The following TAFA5 variants were observed in gnomAD, a reference collection of about 807,000 sequenced individuals.
The protein encoded by TAFA5 is TAFA chemokine like family member 5, also known as chemokine-like protein TAFA-5.
In TAFA5, 6 loss-of-function variants were observed where a neutral mutation model predicts 15.3. The ratio of observed to expected loss-of-function variants is 0.39; its 90% confidence interval spans 0.21 to 0.77. The LOEUF (loss-of-function observed/expected upper bound fraction) is 0.77, where lower values mean the gene tolerates loss of function less well. Ranked by LOEUF, TAFA5 falls within the 30% of genes least tolerant of loss-of-function variation. TAFA5 has a pLI of 0.41. For missense variants in TAFA5, 161 were observed against 193.1 expected (o/e 0.83, Z 0.98); for synonymous variants, 103 against 80.7 (o/e 1.28, Z -1.48).
At chr22:48,716,599 TAGGTGC>T (rs1005872615) in intron 3 of TAFA5, among the ~76,000 whole-genome samples, 76 of 152,258 alleles carry the variant, frequency 5.0e-4, no homozygotes, top group African/African-American at 1.5e-3. Flanking sequence ...GACAGGTTGA[TAGGTGC>T]AGCAAACCAC....
chr22:48,636,698 C>T (rs537693278), intron 1 of TAFA5, among the ~76,000 whole-genome samples: 2 of 152,160 alleles, frequency 1.3e-5, no homozygotes, highest in African/African-American at 2.4e-5. Flanking sequence ...CTGCTGCCTC[C>T]GAACCCCAGG....
intron 1 of TAFA5, among the ~76,000 whole-genome samples, chr22:48,584,240 C>T (rs772663083): frequency 1.3e-5 from 2 of 149,122 alleles, no homozygotes; most frequent in Non-Finnish European, 3.0e-5. Context: ...ACACATTGGA[C>T]ACCACACACT....
In TAFA5 at chr22:48,608,828, G is replaced by A. The variant is rs1418325920; in HGVS notation, c.113-37769G>A. Among the ~76,000 whole-genome samples, 2 of 152,230 alleles carry A rather than the reference G, an allele frequency of 1.3e-5. 1 individual carries two copies. The highest frequency in any genetic ancestry group is 2.9e-5 in the Non-Finnish European group (2 of 68,042). On this transcript the variant is annotated intron_variant, in intron 1 of 3. Coordinates refer to ENST00000402357, the MANE Select transcript of TAFA5 (RefSeq NM_001082967.3). ...TCGTTCCAACAGAGGGCAGGCACCC[G>A]ACGCTCGGGAGCTCTGTGCCCCATG...
chr22:48,732,994 C>T (rs920289345), intron 3 of TAFA5, among the ~76,000 whole-genome samples: 2 of 152,152 alleles, frequency 1.3e-5, no homozygotes, highest in African/African-American at 4.8e-5. Flanking sequence ...TGTTTGCACA[C>T]TGAGTAGACT....
Position 48,508,056 on chromosome 22 carries a change from C to T in TAFA5, c.112+18352C>T, listed in dbSNP as rs117116611. Among the ~76,000 whole-genome samples the T allele has an allele frequency of 4.9e-4, 75 of 152,222 alleles. No homozygotes were observed. In the East Asian group the frequency reaches 7.5e-3, roughly 15 times the overall value. On this transcript the variant is annotated intron_variant, in intron 1 of 3. Coordinates refer to ENST00000402357, the MANE Select transcript of TAFA5 (RefSeq NM_001082967.3). ...AGAACTGTCACTCGGCCCCTAGAGCCGCCCGCTTGCAGAGAGGGGTTGCTG... is the reference window on the plus strand; with the variant it reads ...AGAACTGTCACTCGGCCCCTAGAGCTGCCCGCTTGCAGAGAGGGGTTGCTG...
At chr22:48,629,109 G>A (rs145516025) in intron 1 of TAFA5, among the ~76,000 whole-genome samples, 1,668 of 152,280 alleles carry the variant, frequency 0.011, 15 homozygotes, top group Middle Eastern at 0.051. Context: ...CCCACCAGAC[G>A]GGTGCTCTGG....
At position 48,520,279 on chromosome 22, in the gene TAFA5, G is replaced by A. The variant is rs1417515879; in HGVS notation, c.112+30575G>A. 2.6e-5 allele frequency among the ~76,000 whole-genome samples: 4 copies of A among 152,236 alleles called. No homozygotes were observed. In the East Asian group the frequency reaches 7.7e-4, roughly 29 times the overall value. On this transcript the variant is annotated intron_variant, in intron 1 of 3. Coordinates refer to ENST00000402357, the MANE Select transcript of TAFA5 (RefSeq NM_001082967.3). ...CGGGTTTGTGGGATTTTGTTATGCC[G>A]ACACAGGCCACTAACACGCCACCCT...
chr22:48,689,656 C>T (rs1391030931), intron 2 of TAFA5, among the ~76,000 whole-genome samples: 3 of 151,442 alleles, frequency 2.0e-5, no homozygotes, highest in Admixed American at 2.0e-4. Context: ...TGTAGCCCCT[C>T]GGGCGGACAG....
In TAFA5 at chr22:48,560,606, A is replaced by T. The variant is rs529169845; in HGVS notation, c.112+70902A>T. On this transcript the variant is annotated intron_variant, in intron 1 of 3. Coordinates refer to ENST00000402357, the MANE Select transcript of TAFA5 (RefSeq NM_001082967.3). This position sits in a 1 kb window ranked among gnomAD's most constrained non-coding sequence, Gnocchi z 4.2. ...TATTATTATTATATTATTATTATTA[A>T]TTATTTATTTATTTATTTTTGAGAT... 4.5e-3 allele frequency among the ~76,000 whole-genome samples: 674 copies of T among 148,890 alleles called. 9 individuals carry two copies. The highest frequency in any genetic ancestry group is 0.015 in the African/African-American group (631 of 40,738).
In TAFA5 at chr22:48,630,944, G is replaced by A. The variant is rs62226815; in HGVS notation, c.113-15653G>A. Among the ~76,000 whole-genome samples the A allele has an allele frequency of 2.1e-3, 322 of 152,340 alleles. 1 individual carries two copies. Among genetic ancestry groups the A allele is most frequent in the Admixed American group, 4.4e-3 (67 of 15,312 alleles). On this transcript the variant is annotated intron_variant, in intron 1 of 3. Transcript: ENST00000402357. ...AGCCCGGCGTGCGTGCTGGCTCTGGGATGCAAGGCCCAGGGTCACCGAGGA... is the reference window on the plus strand; with the variant it reads ...AGCCCGGCGTGCGTGCTGGCTCTGGAATGCAAGGCCCAGGGTCACCGAGGA...
At chr22:48,638,800 G>A (rs28478856) in intron 1 of TAFA5, among the ~76,000 whole-genome samples, 10,286 of 117,504 alleles carry the variant, frequency 0.088, 433 homozygotes, top group Non-Finnish European at 0.12. Flanking sequence ...CTGGGTCACC[G>A]CACACAGGGG....
At chr22:48,615,509 C>G (rs989259244) in intron 1 of TAFA5, among the ~76,000 whole-genome samples, 1 of 152,216 alleles carries the variant, frequency 6.6e-6, no homozygotes, top group Middle Eastern at 3.2e-3. Context: ...GCTCCCTGTG[C>G]CTGACTTTCA....
intron 2 of TAFA5, among the ~76,000 whole-genome samples, chr22:48,678,782 T>G (rs1357650181): frequency 6.6e-6 from 1 of 151,036 alleles, no homozygotes; most frequent in Non-Finnish European, 1.5e-5. Context: ...AATGCTGGTG[T>G]GTACATTTGT....
chr22:48,714,832 G>T (rs1202214997), intron 3 of TAFA5, among the ~76,000 whole-genome samples: 1 of 152,206 alleles, frequency 6.6e-6, no homozygotes, highest in Admixed American at 6.5e-5. Flanking sequence ...AGTGGTCAGG[G>T]CCCTGCTGTC....
chr22:48,741,710 G>T (rs1047696914), intron 3 of TAFA5, among the ~76,000 whole-genome samples: 2 of 151,952 alleles, frequency 1.3e-5, no homozygotes, highest in Non-Finnish European at 2.9e-5. Context: ...TCTGCACGCC[G>T]AGGAGAGGGG....
At chr22:48,749,240 C>A (rs968593875) in intron 3 of TAFA5, among the ~76,000 whole-genome samples, 13 of 152,208 alleles carry the variant, frequency 8.5e-5, no homozygotes, top group Non-Finnish European at 1.8e-4. Context: ...CCTGTCCACA[C>A]CTTGAGTCTG....
intron 1 of TAFA5, among the ~76,000 whole-genome samples, chr22:48,593,021 G>A (rs908825965): frequency 1.3e-5 from 2 of 152,184 alleles, no homozygotes; most frequent in African/African-American, 4.8e-5. Context: ...TGGGGCGGGG[G>A]GGTCTGTAGG....
chr22:48,601,631 A>G (rs1601607205), intron 1 of TAFA5, among the ~76,000 whole-genome samples: 1 of 152,102 alleles, frequency 6.6e-6, no homozygotes. Context: ...CCAGCCCCTT[A>G]TATCTTTTGA....
At chr22:48,614,249 C>A (rs954669205) in intron 1 of TAFA5, among the ~76,000 whole-genome samples, 1 of 152,212 alleles carries the variant, frequency 6.6e-6, no homozygotes, top group Admixed American at 6.5e-5. Flanking sequence ...GTCATAGATA[C>A]AAAACCGTGA....
Sources: allele counts gnomAD v4.1 joint callset (sites outside exome capture counted in the v4.1 genomes callset), GRCh38; gene constraint gnomAD v4.1.1; non-coding constraint Gnocchi (gnomAD v3.1); transcripts MANE v1.5; gene names NCBI Gene and HGNC (gene_info 2026-07-23, HGNC 2026-07-21).